The following HCLS1 variants were observed in gnomAD, a reference collection of about 807,000 sequenced individuals.
HCLS1 encodes hematopoietic lineage cell-specific protein.
HCLS1 carries 44 observed loss-of-function variants against 68.6 expected under a neutral mutation model. The ratio of observed to expected loss-of-function variants is 0.64; its 90% CI spans 0.50 to 0.82. The LOEUF (loss-of-function observed/expected upper bound fraction) is 0.82. Among genes scored for constraint, HCLS1 ranks in the 40% least tolerant of loss-of-function variants. HCLS1 has a pLI of 0.00. For missense variants in HCLS1, 602 were observed against 612.1 expected (o/e 0.98, Z 0.17); for synonymous variants, 217 against 225.8 (o/e 0.96, Z 0.35).
Position 121,632,480 on chromosome 3 carries a change from A to C in HCLS1, c.1092T>G (p.Pro364=), listed in dbSNP as rs762616081. ...CGGGCTCAGGCTCGGGCTCAGGCTC[A>C]GGCTCTGCTTCGTACACTGGCTCTT... is the stretch of plus-strand genomic sequence containing the variant. The part of the protein sequence containing the change: ...VEEEPVYEAE[P]EPEPEPEPEP... The change falls in exon 12 of 14, where the codon CCT becomes CCG. Residue 364 remains proline, a synonymous_variant. Transcript: ENST00000314583. The C allele has an allele frequency of 6.2e-7, 1 of 1,613,340 alleles. No homozygotes were observed. The highest frequency in any genetic ancestry group is 1.1e-5 in the South Asian group (1 of 91,040).
At chr3:121,652,357 T>C (rs1432305601) in intron 3 of HCLS1, among the ~76,000 whole-genome samples, 4 of 152,170 alleles carry the variant, frequency 2.6e-5, no homozygotes, top group Admixed American at 1.3e-4. Flanking sequence ...TAGGTATCAA[T>C]AAATTTAATT....
At chr3:121,642,059 G>A (rs1224429321) in intron 6 of HCLS1, among the ~76,000 whole-genome samples, 4 of 120,408 alleles carry the variant, frequency 3.3e-5, no homozygotes, top group South Asian at 2.9e-4. Context: ...CAGCCTGGGC[G>A]ACAGAGCCAG....
intron 6 of HCLS1, among the ~76,000 whole-genome samples, chr3:121,639,290 A>G (rs2049176994): frequency 6.6e-6 from 1 of 152,228 alleles, no homozygotes; most frequent in Non-Finnish European, 1.5e-5. Context: ...TTGACCAAAT[A>G]GACCATGTGC....
intron 9 of HCLS1, 83 bp downstream of exon 9, chr3:121,635,652 G>A: frequency 1.9e-6 from 2 of 1,060,414 alleles, no homozygotes; most frequent in Non-Finnish European, 1.5e-6. Flanking sequence ...GGTAGTTAAA[G>A]GCATGGAGGA....
At chr3:121,646,161 A>G (rs2049245525) in intron 4 of HCLS1, among the ~76,000 whole-genome samples, 1 of 114,712 alleles carries the variant, frequency 8.7e-6, no homozygotes, top group African/African-American at 3.6e-5. Flanking sequence ...TATATATAAT[A>G]TATCTTATAA....
At position 121,633,141 on chromosome 3, in the gene HCLS1, A is replaced by G. The variant is rs779203250; in HGVS notation, c.934T>C (p.Ser312Pro). The G allele has an allele frequency of 1.9e-5, 30 of 1,611,804 alleles. No individual in the cohort carries two copies. The East Asian group carries it at 4.9e-4, about 26-fold the overall frequency. The change falls in exon 11 of 14, where the codon TCA (serine) becomes CCA (proline). Residue 312 changes from serine (S) to proline (P), a missense_variant. Ser to Pro is a moderately conservative substitution (Grantham distance 74). Transcript: ENST00000314583. The part of the protein sequence containing the change: ...AWPPVGTPPS[S>P]ESEPVRTSRE... ...CTGGTTCTCACAGGCTCAGACTCTG[A>G]TGATGGAGGAGTCCCAACTGGAGGC...
In HCLS1 at chr3:121,637,216, C is replaced by T. The variant is rs1344967577; in HGVS notation, c.495G>A (p.Lys165=). The part of the protein sequence containing the change: ...RGFGGRYGVE[K]DKWDKAALGY... ...CCAGAGCTGCTTTGTCCCATTTATCCTTCTCCACCCCGTACCGGCCACCAA... is the reference window on the plus strand; with the variant it reads ...CCAGAGCTGCTTTGTCCCATTTATCTTTCTCCACCCCGTACCGGCCACCAA... The change falls in exon 7 of 14, where the codon AAG becomes AAA. Residue 165 remains lysine, a synonymous_variant. Transcript: ENST00000314583. 2 of 1,613,936 alleles carry T rather than the reference C, an allele frequency of 1.2e-6. No homozygotes were observed. The highest frequency in any genetic ancestry group is 1.3e-5 in the African/African-American group (1 of 74,890).
At chr3:121,636,081 T>C (rs1303948289) in intron 8 of HCLS1, among the ~76,000 whole-genome samples, 1 of 152,230 alleles carries the variant, frequency 6.6e-6, no homozygotes, top group Non-Finnish European at 1.5e-5. Flanking sequence ...CCCTGGCTCA[T>C]GCATGAGGAG....
chr3:121,632,188 C>T lies in HCLS1; in HGVS notation c.1241-4G>A. The T allele has an allele frequency of 6.2e-7, 1 of 1,613,800 alleles. No homozygotes were observed. Among genetic ancestry groups the T allele is most frequent in the South Asian group, 1.1e-5 (1 of 91,054 alleles). On this transcript the variant is annotated splice_region_variant and splice_polypyrimidine_tract_variant and intron_variant, in intron 12 of 13. Coordinates refer to ENST00000314583, the MANE Select transcript of HCLS1 (RefSeq NM_005335.6). ...CCAGCCGGGCAGCCTGATGATCCTG[C>T]ATAATGAGAAACACAAACATGGGAT...
At position 121,647,410 on chromosome 3, in the gene HCLS1, T is replaced by C; in HGVS notation, c.197A>G (p.Asp66Gly). ...QLRNKVSEEH[D>G]VLRKKEMESG... ...CTCCATCTCTTTCTTCCTGAGAACATCATGCTCCTCTGATACTTTGTTCCT... is the reference window on the plus strand; with the variant it reads ...CTCCATCTCTTTCTTCCTGAGAACACCATGCTCCTCTGATACTTTGTTCCT... Residue 66 changes from aspartate to glycine, a missense_variant, in exon 4 of 14, where the codon GAT (aspartate) becomes GGT (glycine). Coordinates refer to ENST00000314583, the MANE Select transcript of HCLS1 (RefSeq NM_005335.6). 2 of 1,614,044 alleles carry C rather than the reference T, an allele frequency of 1.2e-6. No individual in the cohort carries two copies. Among genetic ancestry groups the C allele is most frequent in the East Asian group, 2.2e-5 (1 of 44,878 alleles).
In HCLS1 at chr3:121,647,307, C is replaced by G; in HGVS notation, c.288+12G>C. 8 of 1,613,460 alleles carry G rather than the reference C, an allele frequency of 5.0e-6. No homozygotes were observed. The highest frequency in any genetic ancestry group is 6.8e-6 in the Non-Finnish European group (8 of 1,179,786). On this transcript the variant is annotated intron_variant, in intron 4 of 13. Transcript: ENST00000314583. ...GTATTTTTTTAAAGCAAATCTTTCC[C>G]TTTCAACTTACCTTGTCCATTCGGT...
At position 121,657,311 on chromosome 3, in the gene HCLS1, G is replaced by T; in HGVS notation, c.126C>A (p.Thr42=). ...SEKEQRWGAK[T]IEGSGRTEHI... is the part of the protein sequence containing the mutation. ...GTTCTGTGCGTCCAGACCCCTCGAT[G>T]GTCTTGGCTCCCCATCGTTGCTCCT... The change falls in exon 3 of 14, where the codon ACC becomes ACA. Residue 42 remains threonine, a synonymous_variant. Transcript: ENST00000314583. 1 of 1,613,978 alleles carries T rather than the reference G, an allele frequency of 6.2e-7. No homozygotes were observed. Among genetic ancestry groups the T allele is most frequent in the Non-Finnish European group, 8.5e-7 (1 of 1,179,952 alleles).
chr3:121,644,174 T>TA (rs2049224789), intron 5 of HCLS1: 1 of 169,916 alleles, frequency 5.9e-6, no homozygotes, highest in Non-Finnish European at 1.3e-5. Flanking sequence ...TTCTGCACCA[T>TA]AAAAAATGAG....
At chr3:121,654,992 C>A (rs1937828802) in intron 3 of HCLS1, among the ~76,000 whole-genome samples, 1 of 152,190 alleles carries the variant, frequency 6.6e-6, no homozygotes, top group Admixed American at 6.5e-5. Context: ...GGAAAAGGGA[C>A]TTGTCTAAAG....
intron 6 of HCLS1, among the ~76,000 whole-genome samples, chr3:121,641,280 G>A (rs1409530331): frequency 2.0e-5 from 3 of 152,048 alleles, no homozygotes; most frequent in African/African-American, 7.2e-5. Flanking sequence ...TGTCAGAGAC[G>A]ATGAAATAAG....
chr3:121,660,445 T>C (rs1054287326), intron 1 of HCLS1, among the ~76,000 whole-genome samples: 3 of 152,306 alleles, frequency 2.0e-5, no homozygotes, highest in East Asian at 3.9e-4. Context: ...TGTGTGGGTT[T>C]GTTTCCCTGA....
At chr3:121,639,886 C>T (rs1353132565) in intron 6 of HCLS1, among the ~76,000 whole-genome samples, 1 of 151,830 alleles carries the variant, frequency 6.6e-6, no homozygotes, top group Non-Finnish European at 1.5e-5. Context: ...TAAATTAATA[C>T]TAAGTAGAAG....
chr3:121,642,695 G>A (rs1002598304), intron 6 of HCLS1, among the ~76,000 whole-genome samples: 5 of 152,048 alleles, frequency 3.3e-5, no homozygotes, highest in African/African-American at 1.2e-4. Flanking sequence ...AGGATCGCTT[G>A]AGCCCAGGAA....
At chr3:121,652,268 T>TA (rs1937767449) in intron 3 of HCLS1, among the ~76,000 whole-genome samples, 1 of 152,208 alleles carries the variant, frequency 6.6e-6, no homozygotes, top group Non-Finnish European at 1.5e-5. Context: ...GTAATAGATA[T>TA]ATTCTATATC....
Sources: allele counts gnomAD v4.1 joint callset (sites outside exome capture counted in the v4.1 genomes callset), GRCh38; gene constraint gnomAD v4.1.1; transcripts MANE v1.5; gene names NCBI Gene and HGNC (gene_info 2026-07-23, HGNC 2026-07-21).